The following SLC1A3 variants were observed in gnomAD, a reference collection of about 807,000 sequenced individuals.
The protein encoded by SLC1A3 is excitatory amino acid transporter 1.
SLC1A3 carries 21 observed loss-of-function variants against 48.1 expected under a neutral mutation model. The ratio of observed to expected loss-of-function variants is 0.44; its 90% CI spans 0.31 to 0.63. The LOEUF is 0.63. Among genes scored for constraint, SLC1A3 ranks in the 20% least tolerant of loss-of-function variants. SLC1A3 has a pLI of 0.08. For synonymous variants in SLC1A3, 239 were observed against 251.4 expected (o/e 0.95, Z 0.47); for missense variants, 546 against 689.0 (o/e 0.79, Z 2.32).
At chr5:36,638,282 G>T (rs1740474006) in intron 3 of SLC1A3, among the ~76,000 whole-genome samples, 1 of 152,078 alleles carries the variant, frequency 6.6e-6, no homozygotes, top group Non-Finnish European at 1.5e-5. Flanking sequence ...TGCATTCTTG[G>T]CAGGACAAAT....
intron 3 of SLC1A3, among the ~76,000 whole-genome samples, chr5:36,643,952 C>CCATTG (rs1740729733): frequency 1.3e-5 from 2 of 151,742 alleles, no homozygotes; most frequent in Non-Finnish European, 2.9e-5. Flanking sequence ...CAAGATTGGG[C>CCATTG]CATTGCATTC....
At chr5:36,682,444 G>C (rs1255719443) in intron 8 of SLC1A3, among the ~76,000 whole-genome samples, 1 of 152,022 alleles carries the variant, frequency 6.6e-6, no homozygotes, top group Non-Finnish European at 1.5e-5. Context: ...AGTTATAATG[G>C]GACTTAGGAG....
rs2111808557 is a variant in SLC1A3, at chr5:36,641,382, T to C, written c.319+11795T>C. Among the ~76,000 whole-genome samples, 3 of 152,362 alleles carry C rather than the reference T, an allele frequency of 2.0e-5. No homozygotes were observed. In the Middle Eastern group the frequency reaches 0.01, roughly 518 times the overall value. On this transcript the variant is annotated intron_variant, in intron 3 of 9. Transcript: ENST00000265113. ...GCACTTTAAGGTTTCTTAACTAGGT[T>C]ATTTCTAGTTGAGCTGTAATTTCAG...
intron 4 of SLC1A3, among the ~76,000 whole-genome samples, chr5:36,672,669 C>T (rs1049170268): frequency 1.3e-5 from 2 of 152,292 alleles, no homozygotes; most frequent in East Asian, 1.9e-4. Flanking sequence ...TCTCAATTCC[C>T]ACCATGGGTG....
At position 36,623,909 on chromosome 5, in the gene SLC1A3, C is replaced by T. The variant is rs1739796605; in HGVS notation, c.182-5541C>T. Among the ~76,000 whole-genome samples, 3 of 151,648 alleles carry T rather than the reference C, an allele frequency of 2.0e-5. No individual in the cohort carries two copies. In the South Asian group the frequency reaches 6.3e-4, roughly 32 times the overall value. On this transcript the variant is annotated intron_variant, in intron 2 of 9. Coordinates refer to ENST00000265113, the MANE Select transcript of SLC1A3 (RefSeq NM_004172.5). ...AGAAAAAGAAAGACTGGTCATGCTA[C>T]GTCTCCTTGGTCGGAAAGACAGAGC...
intron 7 of SLC1A3, 97 bp downstream of exon 7, chr5:36,679,957 A>G (rs887977959): frequency 1.2e-6 from 1 of 823,548 alleles, no homozygotes; most frequent in Non-Finnish European, 2.1e-6. Context: ...CTGAGTTTTA[A>G]ACTTCCAAGA....
intron 3 of SLC1A3, among the ~76,000 whole-genome samples, chr5:36,646,813 A>G (rs1428967): frequency 0.17 from 26,278 of 152,196 alleles, 2,690 homozygotes; most frequent in Non-Finnish European, 0.23. Context: ...ATTCTCTTTT[A>G]CAATAGTACC....
chr5:36,647,268 A>G (rs936060184), intron 3 of SLC1A3, among the ~76,000 whole-genome samples: 2 of 152,312 alleles, frequency 1.3e-5, no homozygotes, highest in Non-Finnish European at 2.9e-5. Flanking sequence ...ACAAACACTC[A>G]CTGTTGACCA....
intron 3 of SLC1A3, chr5:36,666,490 A>G (rs1741753998): frequency 6.6e-6 from 1 of 152,232 alleles, no homozygotes. Flanking sequence ...TGGCCCTGGA[A>G]GAACAATGAA....
Position 36,671,225 on chromosome 5 carries a change from C to A in SLC1A3, c.516C>A (p.Asp172Glu). 4 of 1,612,406 alleles carry A rather than the reference C, an allele frequency of 2.5e-6. No homozygotes were observed. The highest frequency in any genetic ancestry group is 3.4e-6 in the Non-Finnish European group (4 of 1,178,646). Residue 172 changes from aspartate (D) to glutamate (E), a missense_variant, in exon 4 of 10, where the codon GAC becomes GAA. Around this residue, in one of 3 missense-constraint regions of SLC1A3, gnomAD observed 348 missense variants for 392.0 expected, o/e 0.89. Coordinates refer to ENST00000265113, the MANE Select transcript of SLC1A3 (RefSeq NM_004172.5). ...TGACAGCTGCAGATGCCTTCCTGGA[C>A]TTGATCAGGTATGTCCTTGCAAGCC... Reference protein sequence around the residue: ...VRVTAADAFLDLIRNMFPPNL... With the variant: ...VRVTAADAFLELIRNMFPPNL...
At chr5:36,658,129 A>G (rs556122976) in intron 3 of SLC1A3, among the ~76,000 whole-genome samples, 1 of 152,224 alleles carries the variant, frequency 6.6e-6, no homozygotes, top group Non-Finnish European at 1.5e-5. Flanking sequence ...ACGCATGACT[A>G]TAAAACAAAG....
At chr5:36,619,482 T>C (rs1209420328) in intron 2 of SLC1A3, among the ~76,000 whole-genome samples, 2 of 150,932 alleles carry the variant, frequency 1.3e-5, no homozygotes, top group Non-Finnish European at 3.0e-5. Context: ...TCTAAAAAAA[T>C]TTCTAAAATT....
At chr5:36,662,410 C>A (rs1163978224) in intron 3 of SLC1A3, among the ~76,000 whole-genome samples, 1 of 152,164 alleles carries the variant, frequency 6.6e-6, no homozygotes, top group East Asian at 1.9e-4. Context: ...TTCCTTTGTG[C>A]TCGGCTGTTA....
intron 3 of SLC1A3, among the ~76,000 whole-genome samples, chr5:36,648,586 G>T (rs1740928631): frequency 1.3e-5 from 2 of 152,210 alleles, no homozygotes; most frequent in South Asian, 4.1e-4. Context: ...GTTCTTGTAG[G>T]ATAACCCCCC....
In SLC1A3 at chr5:36,679,868, T is replaced by C. The variant is rs752164781; in HGVS notation, c.1094+8T>C. 7 of 1,593,200 alleles carry C rather than the reference T, an allele frequency of 4.4e-6. No individual in the cohort carries two copies. Among genetic ancestry groups the C allele is most frequent in the South Asian group, 1.1e-5 (1 of 90,592 alleles). ...TCTGGGGACCTCTTCAAGGTATGTATGTATGTGTGGAAAATGAGTCTGAAA... is the reference window on the plus strand; with the variant it reads ...TCTGGGGACCTCTTCAAGGTATGTACGTATGTGTGGAAAATGAGTCTGAAA... On this transcript the variant is annotated splice_region_variant and intron_variant, in intron 7 of 9. Transcript: ENST00000265113.
chr5:36,646,990 T>C (rs1039746067), intron 3 of SLC1A3, among the ~76,000 whole-genome samples: 2 of 152,210 alleles, frequency 1.3e-5, no homozygotes, highest in African/African-American at 4.8e-5. Flanking sequence ...ACTGTGCTTC[T>C]GGGGTATAAA....
chr5:36,665,856 G>A (rs1001187050), intron 3 of SLC1A3, among the ~76,000 whole-genome samples: 1 of 152,184 alleles, frequency 6.6e-6, no homozygotes, highest in Admixed American at 6.5e-5. Context: ...CTTACTAACT[G>A]TGATGCAAAA....
chr5:36,600,785 G>A (rs867604673), intron 1 of SLC1A3, among the ~76,000 whole-genome samples: 2 of 152,208 alleles, frequency 1.3e-5, no homozygotes, highest in Non-Finnish European at 1.5e-5. Flanking sequence ...GATAGAATTT[G>A]ACTCAGGAGC....
At chr5:36,679,422 G>A (rs1461154067) in intron 6 of SLC1A3, among the ~76,000 whole-genome samples, 2 of 152,158 alleles carry the variant, frequency 1.3e-5, no homozygotes, top group African/African-American at 4.8e-5. Flanking sequence ...AGAATCAGGG[G>A]AAATTTATAT....
Sources: gnomAD v4.1 joint callset for allele counts (sites outside exome capture counted in the v4.1 genomes callset) on GRCh38, gnomAD v4.1.1 for gene constraint, gnomAD v4.1.1 regional missense constraint, MANE v1.5 for transcripts, NCBI Gene and HGNC (gene_info 2026-07-23, HGNC 2026-07-21) for gene names.